ZNF274: variants seen among roughly 807,000 people sequenced by gnomAD.
ZNF274 encodes the protein neurotrophin receptor-interacting factor homolog.
Under a neutral mutation model 42.5 loss-of-function variants are expected in ZNF274, and 23 were observed. The ratio of observed to expected loss-of-function variants is 0.54; its 90% CI spans 0.39 to 0.77. The LOEUF (loss-of-function observed/expected upper bound fraction) is 0.77. Among genes scored for constraint, ZNF274 ranks in the 30% least tolerant of loss-of-function variants. The pLI, the probability that ZNF274 is intolerant of heterozygous loss-of-function variation, is 0.00. For synonymous variants in ZNF274, 292 were observed against 305.4 expected (o/e 0.96, Z 0.46); for missense variants, 679 against 806.5 (o/e 0.84, Z 1.91).
intron 6 of ZNF274, chr19:58,210,990 A>G (rs1043488604): frequency 6.6e-6 from 1 of 152,566 alleles, no homozygotes; most frequent in Admixed American, 6.5e-5. Context: ...TGCTGGGATT[A>G]TAGGTGTGAG....
rs1055115903 is a variant in ZNF274, at chr19:58,183,317, C to T, written c.-171C>T. On this transcript the variant is annotated 5_prime_UTR_variant, in exon 1 of 8. Coordinates refer to ENST00000617501, the MANE Select transcript of ZNF274 (RefSeq NM_133502.3). Reference sequence around the variant, plus strand: ...CGCCTGCCGCCCCTAACCGGCCAGTCAAGATGGCCGCCGCTGGGTGAGGCA... The same window carrying T: ...CGCCTGCCGCCCCTAACCGGCCAGTTAAGATGGCCGCCGCTGGGTGAGGCA... The T allele has an allele frequency of 3.9e-5, 6 of 152,334 alleles. No homozygotes were observed. Among genetic ancestry groups the T allele is most frequent in the African/African-American group, 1.4e-4 (6 of 41,468 alleles). 9.4% of individuals were successfully genotyped at this position (152,334 alleles called of 1,614,324 possible).
In ZNF274 at chr19:58,212,793, C is replaced by G. The variant is rs1600162154; in HGVS notation, c.1612C>G (p.Gln538Glu). ...TACCGGAGAGAGGCCCTATGTGTGT[C>G]AAGACTGTGGGAAAGGATTTGTTCA... The part of the protein sequence containing the change: ...IHTGERPYVC[Q>E]DCGKGFVQSS... The change falls in exon 8 of 8, where the codon CAA becomes GAA. Residue 538 changes from glutamine (Q) to glutamate (E), a missense_variant. This residue lies in a region of ZNF274 where 456 missense variants were observed against 590.1 expected (regional missense o/e 0.77). Coordinates refer to ENST00000617501, the MANE Select transcript of ZNF274 (RefSeq NM_133502.3). This position sits in a 1 kb window ranked among gnomAD's most constrained non-coding sequence, Gnocchi z 4.6. The G allele has an allele frequency of 6.2e-7, 1 of 1,614,026 alleles. No homozygotes were observed.
In ZNF274 at chr19:58,210,064, G is replaced by C; in HGVS notation, c.843G>C (p.Val281=). 6.2e-7 allele frequency: 1 copy of C among 1,613,434 alleles called. No homozygotes were observed. Among genetic ancestry groups the C allele is most frequent in the South Asian group, 1.1e-5 (1 of 91,064 alleles). Residue 281 remains valine, a synonymous_variant, in exon 6 of 8, where the codon GTG becomes GTC. Transcript: ENST00000617501. The part of the protein sequence containing the change: ...QEDAAICPVT[V]LPEEPVTFQD... ...ATGCAGCCATCTGCCCAGTGACAGT[G>C]CTCCCTGAGGTAAGCGGGGAGTATC... is the stretch of plus-strand genomic sequence containing the variant.
rs371303930 is a variant in ZNF274 at position 58,212,435 on chromosome 19, G to A, written c.1254G>A (p.Ser418=). Residue 418 remains serine (S), a synonymous_variant, in exon 8 of 8, where the codon TCG becomes TCA. Coordinates refer to ENST00000617501, the MANE Select transcript of ZNF274 (RefSeq NM_133502.3). The surrounding 1 kb of genome is among the most constrained non-coding windows in gnomAD (Gnocchi z 4.6). ...NSGALDTNQV[S]LQKIDNPESQ... The stretch of plus-strand genomic sequence containing the variant: ...GTGCTCTTGACACAAACCAAGTTTC[G>A]CTCCAGAAAATTGACAACCCTGAGT... The A allele has an allele frequency of 7.4e-6, 12 of 1,612,782 alleles. No individual in the cohort carries two copies. The South Asian group carries it at 7.7e-5, about 10-fold the overall frequency.
At chr19:58,209,783 G>A (rs1005305429) in intron 5 of ZNF274, 178 bp from the exon 6 acceptor site, 56 of 539,306 alleles carry the variant, frequency 1.0e-4, no homozygotes, top group Non-Finnish European at 1.6e-4. Flanking sequence ...GTGGGCACTC[G>A]GGCACGTGCT....
intron 4 of ZNF274, among the ~76,000 whole-genome samples, chr19:58,198,032 C>T (rs769619318): frequency 4.6e-5 from 7 of 151,514 alleles, no homozygotes; most frequent in East Asian, 1.9e-4. Flanking sequence ...GGAAAACAAA[C>T]GAACTAAGTG....
chr19:58,207,717 T>C lies in ZNF274; in HGVS notation c.739+515T>C, dbSNP rs2075994815. ...GGAGCACTGCCTGTAAGGGCCAAGATGGAAGGGATCACAGTAAATGCAAAA... is the reference window on the plus strand; with the variant it reads ...GGAGCACTGCCTGTAAGGGCCAAGACGGAAGGGATCACAGTAAATGCAAAA... On this transcript the variant is annotated intron_variant, in intron 5 of 7. Transcript: ENST00000617501. The surrounding 1 kb of genome is among the most constrained non-coding windows in gnomAD (Gnocchi z 5.6). 6.6e-6 allele frequency among the ~76,000 whole-genome samples: 1 copy of C among 151,972 alleles called. No homozygotes were observed. Among genetic ancestry groups the C allele is most frequent in the African/African-American group, 2.4e-5 (1 of 41,304 alleles).
chr19:58,199,354 A>G (rs1041615147), intron 4 of ZNF274, among the ~76,000 whole-genome samples: 3 of 151,784 alleles, frequency 2.0e-5, no homozygotes, highest in Non-Finnish European at 2.9e-5. Flanking sequence ...CGACAGAGCA[A>G]GACTCTGTCT....
intron 4 of ZNF274, chr19:58,202,514 G>C (rs1010598511): frequency 2.0e-5 from 3 of 152,246 alleles, no homozygotes; most frequent in African/African-American, 7.2e-5. Context: ...GACAGTTGTA[G>C]GTGAGGTGAC....
rs1268112105 is a variant in ZNF274, at chr19:58,212,042, A to G, written c.980-119A>G. On this transcript the variant is annotated intron_variant, in intron 7 of 7. Transcript: ENST00000617501. This position sits in a 1 kb window ranked among gnomAD's most constrained non-coding sequence, Gnocchi z 4.6. ...TTTCAGTCTCTCTCCAGGTTGCATG[A>G]CTCTATTTGGGAGAAAAAAAAAATC... The G allele has an allele frequency of 6.4e-6, 8 of 1,242,976 alleles. No individual in the cohort carries two copies. The highest frequency in any genetic ancestry group is 2.8e-4 in the Middle Eastern group (1 of 3,536). The allele number at this position is 1,242,976 out of a possible 1,614,324, so 77.0% of individuals were successfully genotyped here. A position where few individuals can be genotyped will look rare whatever the true frequency, so the allele number is the denominator to read the frequency against.
rs1437145591 is a variant in ZNF274 at position 58,212,988 on chromosome 19, A to C, written c.1807A>C (p.Ser603Arg). The change falls in exon 8 of 8, where the codon AGC (serine) becomes CGC (arginine). Residue 603 changes from serine to arginine, a missense_variant. Ser to Arg is a moderately radical substitution (Grantham distance 110, BLOSUM62 -1). Transcript: ENST00000617501. The surrounding 1 kb of genome is among the most constrained non-coding windows in gnomAD (Gnocchi z 4.6). Reference protein sequence around the residue: ...CQDCGKAFRQSSHLIRHQRTH... With the variant: ...CQDCGKAFRQRSHLIRHQRTH... Reference sequence around the variant, plus strand: ...GGACTGTGGAAAAGCCTTCCGCCAGAGCTCCCACCTCATCAGACATCAGAG... The same window carrying C: ...GGACTGTGGAAAAGCCTTCCGCCAGCGCTCCCACCTCATCAGACATCAGAG... 5 of 1,613,944 alleles carry C rather than the reference A, an allele frequency of 3.1e-6. No individual in the cohort carries two copies. Among genetic ancestry groups the C allele is most frequent in the Non-Finnish European group, 4.2e-6 (5 of 1,179,850 alleles).
chr19:58,186,046 T>C (rs116899356), intron 3 of ZNF274: 8 of 333,636 alleles, frequency 2.4e-5, no homozygotes, highest in Non-Finnish European at 4.3e-5. Context: ...GCTGCAGTAG[T>C]GGATGCTTAT....
rs767956618 is a variant in ZNF274, at chr19:58,185,771, G to C, written c.93G>C (p.Leu31=). 3 of 1,460,418 alleles carry C rather than the reference G, an allele frequency of 2.1e-6. No homozygotes were observed. The highest frequency in any genetic ancestry group is 1.8e-4 in the Middle Eastern group (1 of 5,450). 90.5% of individuals were successfully genotyped at this position (1,460,418 alleles called of 1,614,324 possible). A position where few individuals can be genotyped will look rare whatever the true frequency, so the allele number is the denominator to read the frequency against. Residue 31 remains leucine, a synonymous_variant, in exon 3 of 8, where the codon CTG becomes CTC. Coordinates refer to ENST00000617501, the MANE Select transcript of ZNF274 (RefSeq NM_133502.3). ...LGFTPEEWGL[L]DLKQKSLYRE... ...TTACCCCGGAAGAGTGGGGACTGCT[G>C]GACCTCAAACAGAAGTCCCTGTACA...
chr19:58,201,149 C>T (rs537527338), intron 4 of ZNF274, among the ~76,000 whole-genome samples: 1 of 151,174 alleles, frequency 6.6e-6, no homozygotes, highest in Admixed American at 6.6e-5. Flanking sequence ...GGACTACAGG[C>T]ACATGCCGCT....
intron 5 of ZNF274, chr19:58,209,042 G>T (rs547404550): frequency 6.6e-6 from 1 of 152,262 alleles, no homozygotes; most frequent in African/African-American, 2.4e-5. Context: ...GGGAGAAGGA[G>T]AATTTATTGG....
intron 4 of ZNF274, among the ~76,000 whole-genome samples, chr19:58,201,721 T>C (rs1241855366): frequency 2.0e-5 from 3 of 151,830 alleles, no homozygotes; most frequent in African/African-American, 2.4e-5. Flanking sequence ...TTCACCATAT[T>C]GGCCAGGCTG....
chr19:58,194,736 G>C (rs967674446), intron 4 of ZNF274, among the ~76,000 whole-genome samples: 8 of 139,722 alleles, frequency 5.7e-5, no homozygotes, highest in African/African-American at 2.0e-4. Context: ...GGCCGGGCGC[G>C]GTGGCTGATG....
chr19:58,190,552 T>C (rs1411681800), intron 4 of ZNF274, among the ~76,000 whole-genome samples: 1 of 152,212 alleles, frequency 6.6e-6, no homozygotes, highest in African/African-American at 2.4e-5. Flanking sequence ...ATCGGTAATA[T>C]CTTCTATTTC....
chr19:58,184,350 C>T (rs2075670431), intron 2 of ZNF274: 1 of 199,154 alleles, frequency 5.0e-6, no homozygotes, highest in Non-Finnish European at 1.1e-5. Context: ...AGTGCAGTGG[C>T]GCGATCTTGG....
Sources: gnomAD v4.1 joint callset for allele counts (sites outside exome capture counted in the v4.1 genomes callset) on GRCh38, gnomAD v4.1.1 for gene constraint, gnomAD v4.1.1 regional missense constraint, Gnocchi (gnomAD v3.1) non-coding constraint, MANE v1.5 for transcripts, NCBI Gene and HGNC (gene_info 2026-07-23, HGNC 2026-07-21) for gene names.